TRABD: variants seen among roughly 807,000 people sequenced by gnomAD.
TRABD encodes the protein traB domain-containing protein.
A neutral mutation model predicts 39.6 loss-of-function variants in TRABD; 23 were observed. The observed-to-expected ratio is 0.58, with a 90% CI of 0.42 to 0.82. The LOEUF (loss-of-function observed/expected upper bound fraction) is 0.82. Among genes scored for constraint, TRABD ranks in the 40% least tolerant of loss-of-function variants. The pLI, the probability that TRABD is intolerant of heterozygous loss-of-function variation, is 0.00. For missense variants in TRABD, 487 were observed against 544.9 expected, an observed-to-expected ratio of 0.89 and a Z score of 1.06; for synonymous variants, 243 against 232.1, an observed-to-expected ratio of 1.05 and a Z score of -0.43.
rs2064175260 is a variant in TRABD at position 50,197,841 on chromosome 22, C to T, written c.690C>T (p.Arg230=). The change falls in exon 8 of 10, where the codon CGC becomes CGT. Residue 230 remains arginine, a synonymous_variant. Coordinates refer to ENST00000380909, the MANE Select transcript of TRABD (RefSeq NM_001320485.2). ...SDPISKDDVE[R]CKQKDLLEQM... ...TCCACAGCAAGGATGACGTGGAACG[C>T]TGCAAGCAGAAGGACCTACTGGAGC... The T allele has an allele frequency of 6.2e-7, 1 of 1,610,362 alleles. No homozygotes were observed. Among genetic ancestry groups the T allele is most frequent in the African/African-American group, 1.3e-5 (1 of 74,192 alleles).
intron 4 of TRABD, 23 bp downstream of exon 4, chr22:50,194,529 T>C (rs2064027464): frequency 6.4e-7 from 1 of 1,562,900 alleles, no homozygotes; most frequent in Non-Finnish European, 8.7e-7. Context: ...ACCCGCCACA[T>C]CCCGGACACG....
In TRABD at chr22:50,198,255, G is replaced by A. The variant is rs1292022764; in HGVS notation, c.956+69G>A. On this transcript the variant is annotated intron_variant, in intron 9 of 9. Transcript: ENST00000380909. The surrounding 1 kb of genome is among the most constrained non-coding windows in gnomAD (Gnocchi z 7.9). ...CAGGTGGAGGCTGAGCGCCCTGGAG[G>A]CCAACCACATGCGGCAGTGACCCAG... is the stretch of plus-strand genomic sequence containing the variant. 6.5e-7 allele frequency: 1 copy of A among 1,538,330 alleles called. No homozygotes were observed. Among genetic ancestry groups the A allele is most frequent in the Non-Finnish European group, 8.8e-7 (1 of 1,131,632 alleles).
intron 7 of TRABD, 47 bp from the exon 8 acceptor site, chr22:50,197,776 C>CCCCCCCCAG: frequency 6.9e-7 from 1 of 1,439,438 alleles, no homozygotes; most frequent in Non-Finnish European, 9.7e-7. Context: ...CCCACCCCCC[C>CCCCCCCCAG]AGCCCGTTGC....
intron 1 of TRABD, among the ~76,000 whole-genome samples, chr22:50,186,619 C>T (rs1569075219): frequency 6.6e-6 from 1 of 152,174 alleles, no homozygotes; most frequent in Non-Finnish European, 1.5e-5. Context: ...CGGCCCAGGC[C>T]TGCGGGTCTC....
Position 50,193,625 on chromosome 22 carries a change from G to T in TRABD, c.83G>T (p.Arg28Met). Residue 28 changes from arginine to methionine, a missense_variant, in exon 3 of 10, where the codon AGG (arginine) becomes ATG (methionine). By Grantham distance (91) the Arg-to-Met change is moderately conservative (BLOSUM62 -1). Transcript: ENST00000380909. ...TCAGAGGCTTCAGAGCCGGTGCCCA[G>T]GGTGCTTTCTGGAGACCCCCAGAAC... is the stretch of plus-strand genomic sequence containing the variant. ...VPSEASEPVP[R>M]VLSGDPQNLS... The T allele has an allele frequency of 6.2e-7, 1 of 1,613,838 alleles. No homozygotes were observed. The highest frequency in any genetic ancestry group is 8.5e-7 in the Non-Finnish European group (1 of 1,179,964).
At chr22:50,197,777 A>AC in intron 7 of TRABD, 46 bp from the exon 8 acceptor site, 1 of 598,224 alleles carries the variant, frequency 1.7e-6, no homozygotes, top group Non-Finnish European at 2.4e-6. Flanking sequence ...CCACCCCCCC[A>AC]GCCCGTTGCC....
chr22:50,193,731 C>A, intron 3 of TRABD, 77 bp downstream of exon 3: 1 of 1,410,942 alleles, frequency 7.1e-7, no homozygotes, highest in Non-Finnish European at 1.0e-6. Flanking sequence ...GGCAGCCAAC[C>A]ACTGCCAGGG....
chr22:50,198,683 C>T lies in TRABD; in HGVS notation c.*164C>T, dbSNP rs1466479196. On this transcript the variant is annotated 3_prime_UTR_variant, in exon 10 of 10. Transcript: ENST00000380909. This position sits in a 1 kb window ranked among gnomAD's most constrained non-coding sequence, Gnocchi z 7.9. ...GGCCAGTCACCCCTCCCCCAGCCCA[C>T]CCAAATAAAGGATTATTTAACTGTC... 3.1e-6 allele frequency: 2 copies of T among 654,360 alleles called. No individual in the cohort carries two copies. The highest frequency in any genetic ancestry group is 3.5e-5 in the Admixed American group (1 of 28,552). 40.5% of individuals were successfully genotyped at this position (654,360 alleles called of 1,614,324 possible). A position where few individuals can be genotyped will look rare whatever the true frequency, so the allele number is the denominator to read the frequency against.
intron 5 of TRABD, 50 bp from the exon 6 acceptor site, chr22:50,197,191 G>GCGGGGGGGCCCCCCCCCCCCCCCCCCCC: frequency 6.4e-7 from 1 of 1,553,438 alleles, no homozygotes; most frequent in African/African-American, 1.4e-5. Flanking sequence ...TTCCCCCAGC[G>GCGGGGGGGCCCCCCCCCCCCCCCCCCCC]CACCCCCGCA....
intron 4 of TRABD, 61 bp downstream of exon 4, chr22:50,194,567 C>T (rs1346135412): frequency 8.4e-6 from 13 of 1,546,750 alleles, no homozygotes; most frequent in South Asian, 8.3e-5. Flanking sequence ...GTGTCCTGCA[C>T]TCAGGGACCT....
rs751927159 is a variant in TRABD, at chr22:50,193,020, T to C, written c.-34-7T>C. ...GTGGAAACCCCGCCTCTCATGCCTCTCCTCAGGCTCCCCACAGGTGCAGGA... is the reference window on the plus strand; with the variant it reads ...GTGGAAACCCCGCCTCTCATGCCTCCCCTCAGGCTCCCCACAGGTGCAGGA... On this transcript the variant is annotated splice_region_variant and splice_polypyrimidine_tract_variant and intron_variant, in intron 1 of 9. Transcript: ENST00000380909. The C allele has an allele frequency of 6.5e-7, 1 of 1,542,812 alleles. No individual in the cohort carries two copies. The highest frequency in any genetic ancestry group is 1.4e-5 in the African/African-American group (1 of 73,164).
intron 5 of TRABD, among the ~76,000 whole-genome samples, chr22:50,195,755 C>T (rs976878564): frequency 6.6e-6 from 1 of 152,206 alleles, no homozygotes; most frequent in South Asian, 2.1e-4. Flanking sequence ...TGAGCCACCG[C>T]GCCCGGCCAG....
Position 50,198,005 on chromosome 22 carries a change from GC to G in TRABD, c.844+13del, listed in dbSNP as rs1225310772. On this transcript the variant is annotated intron_variant, in intron 8 of 9. Coordinates refer to ENST00000380909, the MANE Select transcript of TRABD (RefSeq NM_001320485.2). This position sits in a 1 kb window ranked among gnomAD's most constrained non-coding sequence, Gnocchi z 7.9. ...CCTCGGGCCTCTGACGGTGACGGCC[GC>G]CCGCAGGCGTGGGACCCCCTGTGAG... The G allele has an allele frequency of 6.2e-7, 1 of 1,610,602 alleles. No individual in the cohort carries two copies. The highest frequency in any genetic ancestry group is 2.2e-5 in the East Asian group (1 of 44,794).
At position 50,197,300 on chromosome 22, in the gene TRABD, C is replaced by G. The variant is rs141382688; in HGVS notation, c.480C>G (p.Thr160=). 1.9e-6 allele frequency: 3 copies of G among 1,613,856 alleles called. No homozygotes were observed. Among genetic ancestry groups the G allele is most frequent in the Non-Finnish European group, 8.5e-7 (1 of 1,180,032 alleles). The change falls in exon 6 of 10, where the codon ACC becomes ACG. Residue 160 remains threonine, a synonymous_variant. Coordinates refer to ENST00000380909, the MANE Select transcript of TRABD (RefSeq NM_001320485.2). ...MLLLKVSAHI[T]EQLGMAPGGE... is the part of the protein sequence containing the mutation. ...TGCTGAAGGTGTCTGCACACATCAC[C>G]GAGCAGCTGGGCATGGCCCCAGGTG...
intron 1 of TRABD, among the ~76,000 whole-genome samples, chr22:50,189,045 G>T (rs972638146): frequency 1.3e-5 from 2 of 152,252 alleles, no homozygotes; most frequent in Non-Finnish European, 2.9e-5. Context: ...TGGAGAACAA[G>T]TGTCTTCAGA....
chr22:50,187,058 C>A (rs1168292199), intron 1 of TRABD, among the ~76,000 whole-genome samples: 2 of 152,246 alleles, frequency 1.3e-5, no homozygotes, highest in African/African-American at 4.8e-5. Flanking sequence ...TCTCTGCTCC[C>A]CGCTTGCTGC....
Position 50,197,816 on chromosome 22 carries a change from T to A in TRABD, c.672-7T>A. ...CCCTGCGGGGCTGCAGCCATCCCTC[T>A]CCACAGCAAGGATGACGTGGAACGC... On this transcript the variant is annotated splice_region_variant and splice_polypyrimidine_tract_variant and intron_variant, in intron 7 of 9. Transcript: ENST00000380909. 7.6e-7 allele frequency: 1 copy of A among 1,309,044 alleles called. No individual in the cohort carries two copies. The highest frequency in any genetic ancestry group is 1.0e-6 in the Non-Finnish European group (1 of 993,136). 81.1% of individuals were successfully genotyped at this position (1,309,044 alleles called of 1,614,324 possible). A position where few individuals can be genotyped will look rare whatever the true frequency, so the allele number is the denominator to read the frequency against.
At chr22:50,196,514 A>G (rs181619951) in intron 5 of TRABD, among the ~76,000 whole-genome samples, 213 of 152,236 alleles carry the variant, frequency 1.4e-3, no homozygotes, top group African/African-American at 5.0e-3. Flanking sequence ...GACAGGGGCA[A>G]TAGGCCTCGG....
Position 50,197,944 on chromosome 22 carries a change from T to C in TRABD, c.793T>C (p.Tyr265His), listed in dbSNP as rs753007609. The C allele has an allele frequency of 2.5e-6, 4 of 1,612,826 alleles. No individual in the cohort carries two copies. Among genetic ancestry groups the C allele is most frequent in the Non-Finnish European group, 1.7e-6 (2 of 1,179,916 alleles). Residue 265 changes from tyrosine to histidine, a missense_variant, in exon 8 of 10, where the codon TAC (tyrosine) becomes CAC (histidine). Physicochemically the swap from Tyr to His is moderately conservative, Grantham distance 83 (BLOSUM62 2). Around this residue, in one of 3 missense-constraint regions of TRABD, gnomAD observed 358 missense variants for 414.7 expected, o/e 0.86. Transcript: ENST00000380909. ...CTCGGAGCGCGACGTCTACCTAACCTACATGCTGCGCCAGGCCGCGCGGCG... is the reference window on the plus strand; with the variant it reads ...CTCGGAGCGCGACGTCTACCTAACCCACATGCTGCGCCAGGCCGCGCGGCG... ...IVSERDVYLT[Y>H]MLRQAARRLE... is the part of the protein sequence containing the mutation.
Sources: gnomAD v4.1 joint callset for allele counts (sites outside exome capture counted in the v4.1 genomes callset) on GRCh38, gnomAD v4.1.1 for gene constraint, gnomAD v4.1.1 regional missense constraint, Gnocchi (gnomAD v3.1) non-coding constraint, MANE v1.5 for transcripts, NCBI Gene and HGNC (gene_info 2026-07-23, HGNC 2026-07-21) for gene names.